Variants in UBE2R2 observed in about 807,000 individuals in gnomAD.
The protein encoded by UBE2R2 is ubiquitin-conjugating enzyme E2 R2.
Under a neutral mutation model 27.8 loss-of-function variants are expected in UBE2R2, and 1 was observed. That is an observed-to-expected ratio of 0.04 (90% CI 0.01 to 0.17). The LOEUF is 0.17. UBE2R2 is among the 10% of genes least tolerant of loss of function. UBE2R2 has a pLI of 1.00. For synonymous variants in UBE2R2, 106 were observed against 113.3 expected (o/e 0.94, Z 0.41); for missense variants, 100 against 291.0 (o/e 0.34, Z 4.78).
chr9:33,918,758 A>C lies in UBE2R2; in HGVS notation c.*1521A>C, dbSNP rs1822720081. 6.6e-6 allele frequency: 1 copy of C among 152,632 alleles called. No individual in the cohort carries two copies. The allele number at this position is 152,632 out of a possible 1,614,324, so 9.5% of individuals were successfully genotyped here. ...GTAGTCCTATTTCAGACCCCTGGGC[A>C]CTAGTGTCAACTCCTCCTTTGGCTC... On this transcript the variant is annotated 3_prime_UTR_variant, in exon 5 of 5. Coordinates refer to ENST00000263228, the MANE Select transcript of UBE2R2 (RefSeq NM_017811.4).
chr9:33,889,931 C>G (rs548339456), intron 2 of UBE2R2, among the ~76,000 whole-genome samples: 4 of 151,002 alleles, frequency 2.6e-5, no homozygotes, highest in African/African-American at 9.7e-5. Flanking sequence ...CCTCCCACCT[C>G]GGCCTCCCAA....
chr9:33,889,484 G>A (rs562145068), intron 2 of UBE2R2, among the ~76,000 whole-genome samples: 3 of 152,220 alleles, frequency 2.0e-5, no homozygotes, highest in South Asian at 2.1e-4. Context: ...GATTACAGGC[G>A]TGAGCCACCG....
At chr9:33,876,936 A>C (rs1213841343) in intron 1 of UBE2R2, among the ~76,000 whole-genome samples, 1 of 151,894 alleles carries the variant, frequency 6.6e-6, no homozygotes, top group Non-Finnish European at 1.5e-5. Context: ...AATAAATAAG[A>C]GTTCGAGACC....
chr9:33,902,578 G>A (rs1250356897), intron 3 of UBE2R2, among the ~76,000 whole-genome samples: 5 of 152,152 alleles, frequency 3.3e-5, no homozygotes, highest in Non-Finnish European at 7.4e-5. Context: ...TTTTGCTACA[G>A]GGAGACATAA....
intron 1 of UBE2R2, among the ~76,000 whole-genome samples, chr9:33,843,628 G>A (rs1017916865): frequency 9.2e-5 from 14 of 151,630 alleles, no homozygotes; most frequent in East Asian, 2.0e-4. Context: ...ATAGGCTCGC[G>A]CCACCACACC....
At chr9:33,912,321 G>A (rs1822511477) in intron 4 of UBE2R2, among the ~76,000 whole-genome samples, 1 of 151,984 alleles carries the variant, frequency 6.6e-6, no homozygotes, top group African/African-American at 2.4e-5. Context: ...TGATTTTCTA[G>A]GAACCAGAAC....
intron 1 of UBE2R2, among the ~76,000 whole-genome samples, chr9:33,880,363 G>A (rs1821707146): frequency 6.6e-6 from 1 of 151,744 alleles, no homozygotes; most frequent in African/African-American, 2.4e-5. Context: ...AAGTAACTTT[G>A]TGGCTTCCTC....
chr9:33,838,532 T>C (rs1820664512), intron 1 of UBE2R2, among the ~76,000 whole-genome samples: 1 of 152,152 alleles, frequency 6.6e-6, no homozygotes, highest in Admixed American at 6.6e-5. Flanking sequence ...TTGAGGTGTA[T>C]GTACATACAA....
intron 1 of UBE2R2, among the ~76,000 whole-genome samples, chr9:33,873,840 A>T (rs1204237222): frequency 6.6e-6 from 1 of 151,902 alleles, no homozygotes; most frequent in Non-Finnish European, 1.5e-5. Flanking sequence ...ACGGGGTTTC[A>T]CCATGTTGTC....
At chr9:33,827,565 C>T (rs563493436) in intron 1 of UBE2R2, among the ~76,000 whole-genome samples, 10 of 151,692 alleles carry the variant, frequency 6.6e-5, no homozygotes, top group Non-Finnish European at 1.2e-4. Flanking sequence ...TGTTTGAATG[C>T]GGGAGGTGGA....
chr9:33,847,201 G>A (rs932868664), intron 1 of UBE2R2, among the ~76,000 whole-genome samples: 2 of 151,858 alleles, frequency 1.3e-5, no homozygotes, highest in Non-Finnish European at 1.5e-5. Flanking sequence ...GAATTCAGGC[G>A]ATTTTCCTTC....
At chr9:33,846,023 G>A (rs1024576530) in intron 1 of UBE2R2, among the ~76,000 whole-genome samples, 1 of 152,032 alleles carries the variant, frequency 6.6e-6, no homozygotes, top group Non-Finnish European at 1.5e-5. Flanking sequence ...CTACTCGGGA[G>A]GCTGAGGCAG....
intron 1 of UBE2R2, among the ~76,000 whole-genome samples, chr9:33,832,655 G>A (rs1231506814): frequency 7.0e-6 from 1 of 142,986 alleles, no homozygotes; most frequent in Non-Finnish European, 1.5e-5. Flanking sequence ...GTGAGACTCC[G>A]TCTAAAAAAA....
At chr9:33,834,897 C>A (rs1024060434) in intron 1 of UBE2R2, among the ~76,000 whole-genome samples, 1 of 145,406 alleles carries the variant, frequency 6.9e-6, no homozygotes, top group East Asian at 2.0e-4. Context: ...GCAACAAGAC[C>A]GAAACTCTGT....
chr9:33,846,423 C>T (rs1160282818), intron 1 of UBE2R2, among the ~76,000 whole-genome samples: 3 of 152,026 alleles, frequency 2.0e-5, no homozygotes, highest in East Asian at 1.9e-4. Flanking sequence ...ATTGTCATTG[C>T]ATAATAAAGA....
Position 33,827,062 on chromosome 9 carries a change from A to T in UBE2R2, c.177+9128A>T, listed in dbSNP as rs1369657330. 4.6e-5 allele frequency among the ~76,000 whole-genome samples: 7 copies of T among 152,252 alleles called. No homozygotes were observed. In the South Asian group the frequency reaches 1.0e-3, roughly 23 times the overall value. ...GGCTGCAGTGAGCCGAGATCGCGCCACTGCGCTCCAGCCTGGGCGACAGTG... is the reference window on the plus strand; with the variant it reads ...GGCTGCAGTGAGCCGAGATCGCGCCTCTGCGCTCCAGCCTGGGCGACAGTG... On this transcript the variant is annotated intron_variant, in intron 1 of 4. Coordinates refer to ENST00000263228, the MANE Select transcript of UBE2R2 (RefSeq NM_017811.4).
chr9:33,902,629 A>G (rs1349900032), intron 3 of UBE2R2, among the ~76,000 whole-genome samples: 1 of 152,178 alleles, frequency 6.6e-6, no homozygotes, highest in African/African-American at 2.4e-5. Context: ...AGTAGTACAT[A>G]ATTTATCTTG....
intron 1 of UBE2R2, among the ~76,000 whole-genome samples, chr9:33,848,824 G>A (rs1224853125): frequency 2.0e-5 from 3 of 151,570 alleles, no homozygotes; most frequent in African/African-American, 4.8e-5. Context: ...GGCTGGTCTC[G>A]AGCTCTTGAC....
At chr9:33,815,324 TG>T (rs1340069617), upstream of UBE2R2, among the ~76,000 whole-genome samples, 17 of 152,244 alleles carry the variant, frequency 1.1e-4, no homozygotes, top group African/African-American at 3.6e-4. Flanking sequence ...CAGTCAACAG[TG>T]ATGTATCAAT....
Sources: allele counts gnomAD v4.1 joint callset (sites outside exome capture counted in the v4.1 genomes callset), GRCh38; gene constraint gnomAD v4.1.1; transcripts MANE v1.5; gene names NCBI Gene and HGNC (gene_info 2026-07-23, HGNC 2026-07-21).